OR2A25: variants seen among roughly 807,000 people sequenced by gnomAD.
OR2A25 encodes olfactory receptor family 2 subfamily A member 25, also known as olfactory receptor 2A25.
For synonymous variants in OR2A25, 162 were observed against 148.1 expected, an observed-to-expected ratio of 1.09 and a Z score of -0.68; for missense variants, 362 against 368.3, an observed-to-expected ratio of 0.98 and a Z score of 0.14.
At chr7:144,072,257 C>G (rs376364506) in intron 1 of OR2A25, among the ~76,000 whole-genome samples, 1 of 150,692 alleles carries the variant, frequency 6.6e-6, no homozygotes, top group Admixed American at 6.6e-5. Flanking sequence ...TAGAGTCAGG[C>G]AAAAAAACAG....
At chr7:144,072,408 T>C (rs2051073417) in intron 1 of OR2A25, among the ~76,000 whole-genome samples, 2 of 152,056 alleles carry the variant, frequency 1.3e-5, no homozygotes, top group African/African-American at 4.8e-5. Context: ...TTGTACATGA[T>C]AGTTAAGAAG....
chr7:144,074,774 A>G lies in OR2A25; in HGVS notation c.555A>G (p.Lys185=). ...TCTGTGAAATTATGGCTGTTCTCAAACTTGCCTGTGCGGATACCCACATTA... is the reference window on the plus strand; with the variant it reads ...TCTGTGAAATTATGGCTGTTCTCAAGCTTGCCTGTGCGGATACCCACATTA... ...HFFCEIMAVL[K]LACADTHINE... The change falls in exon 2 of 2, where the codon AAA becomes AAG. Residue 185 remains lysine, a synonymous_variant. Coordinates refer to ENST00000641663, the MANE Select transcript of OR2A25 (RefSeq NM_001386096.1). The G allele has an allele frequency of 1.2e-6, 2 of 1,614,104 alleles. No homozygotes were observed. Among genetic ancestry groups the G allele is most frequent in the Non-Finnish European group, 1.7e-6 (2 of 1,180,020 alleles).
Position 144,075,273 on chromosome 7 carries a change from C to T in OR2A25, c.*121C>T. ...ACCCTTTCCATCTTCTTGAAATTTT[C>T]CTATGACTACCTCCCGAGAAAGCCC... On this transcript the variant is annotated 3_prime_UTR_variant, in exon 2 of 2. Transcript: ENST00000641663. The T allele has an allele frequency of 1.4e-6, 1 of 716,480 alleles. No individual in the cohort carries two copies. The highest frequency in any genetic ancestry group is 1.9e-5 in the South Asian group (1 of 52,842). 44.4% of individuals were successfully genotyped at this position (716,480 alleles called of 1,614,324 possible).
At position 144,075,558 on chromosome 7, in the gene OR2A25, G is replaced by C. The variant is rs2051106798; in HGVS notation, c.*406G>C. On this transcript the variant is annotated 3_prime_UTR_variant, in exon 2 of 2. Transcript: ENST00000641663. The stretch of plus-strand genomic sequence containing the variant: ...AATTTAGAACGTGCCGGCCAGACAC[G>C]GTGGCTCACGCCTGTAATCCCAGCA... 1 of 156,620 alleles carries C rather than the reference G, an allele frequency of 6.4e-6. No homozygotes were observed. The highest frequency in any genetic ancestry group is 1.9e-4 in the South Asian group (1 of 5,194). 9.7% of individuals were successfully genotyped at this position (156,620 alleles called of 1,614,324 possible).
At chr7:144,073,479 ATACAG>A (rs1477589232) in intron 1 of OR2A25, among the ~76,000 whole-genome samples, 3 of 151,850 alleles carry the variant, frequency 2.0e-5, no homozygotes, top group Admixed American at 2.0e-4. Flanking sequence ...TATACTATAT[ATACAG>A]TAGATTACTG....
chr7:144,073,378 T>C (rs946946453), intron 1 of OR2A25, among the ~76,000 whole-genome samples: 9 of 151,972 alleles, frequency 5.9e-5, no homozygotes, highest in African/African-American at 2.2e-4. Context: ...CTATTATGTA[T>C]CAATTAAAAA....
At position 144,075,035 on chromosome 7, in the gene OR2A25, T is replaced by C. The variant is rs1311914473; in HGVS notation, c.816T>C (p.Tyr272=). The change falls in exon 2 of 2, where the codon TAT becomes TAC. Residue 272 remains tyrosine, a synonymous_variant. Transcript: ENST00000641663. Reference sequence around the variant, plus strand: ...AGAGCCCCAAGGAGCAGAAGAAATATCTCCTGCTGTTTCACAGCCTCTTCA... The same window carrying C: ...AGAGCCCCAAGGAGCAGAAGAAATACCTCCTGCTGTTTCACAGCCTCTTCA... ...QYESPKEQKK[Y]LLLFHSLFNP... is the part of the protein sequence containing the mutation. 14 of 1,614,006 alleles carry C rather than the reference T, an allele frequency of 8.7e-6. No homozygotes were observed. Among genetic ancestry groups the C allele is most frequent in the Middle Eastern group, 3.3e-4 (2 of 6,084 alleles).
intron 1 of OR2A25, among the ~76,000 whole-genome samples, chr7:144,071,441 G>T (rs1301441490): frequency 6.6e-6 from 1 of 152,046 alleles, no homozygotes; most frequent in Admixed American, 6.6e-5. Flanking sequence ...CACTTAGCTT[G>T]CTTCCAATTA....
In OR2A25 at chr7:144,074,681, G is replaced by A. The variant is rs1259570562; in HGVS notation, c.462G>A (p.Leu154=). The A allele has an allele frequency of 2.5e-6, 4 of 1,614,060 alleles. No homozygotes were observed. Among genetic ancestry groups the A allele is most frequent in the Non-Finnish European group, 3.4e-6 (4 of 1,179,986 alleles). The change falls in exon 2 of 2, where the codon TTG becomes TTA. Residue 154 remains leucine (L), a synonymous_variant. Transcript: ENST00000641663. ...CTTCCTGGATTTTAGGAGTCTTATT[G>A]GCCCTTGTCCATCTAGTGTTACTGC... ...ALTSWILGVL[L]ALVHLVLLLP... is the part of the protein sequence containing the mutation.
rs371884181 is a variant in OR2A25 at position 144,071,764 on chromosome 7, T to A, written c.-5+1868T>A. 2.0e-5 allele frequency among the ~76,000 whole-genome samples: 3 copies of A among 152,282 alleles called. No individual in the cohort carries two copies. The East Asian group carries it at 5.8e-4, about 29-fold the overall frequency. ...CCTTCTATTTTATTGTGTGCCTTTA[T>A]TATATGAAATTTTAAAAGTAGCATT... On this transcript the variant is annotated intron_variant, in intron 1 of 1. Coordinates refer to ENST00000641663, the MANE Select transcript of OR2A25 (RefSeq NM_001386096.1).
intron 1 of OR2A25, among the ~76,000 whole-genome samples, chr7:144,071,836 T>C (rs1272921271): frequency 2.0e-5 from 3 of 152,096 alleles, no homozygotes; most frequent in African/African-American, 7.2e-5. Flanking sequence ...GAGGTGAAAG[T>C]GAATAACACT....
intron 1 of OR2A25, among the ~76,000 whole-genome samples, chr7:144,073,917 G>A (rs1247739709): frequency 6.6e-6 from 1 of 152,178 alleles, no homozygotes; most frequent in African/African-American, 2.4e-5. Flanking sequence ...TGAGGAAAGA[G>A]TCCATGCTAT....
In OR2A25 at chr7:144,075,212, C is replaced by T; in HGVS notation, c.*60C>T. 1 of 1,182,158 alleles carries T rather than the reference C, an allele frequency of 8.5e-7. No homozygotes were observed. Among genetic ancestry groups the T allele is most frequent in the African/African-American group, 1.5e-5 (1 of 65,298 alleles). The allele number at this position is 1,182,158 out of a possible 1,614,324, so 73.2% of individuals were successfully genotyped here. On this transcript the variant is annotated 3_prime_UTR_variant, in exon 2 of 2. Coordinates refer to ENST00000641663, the MANE Select transcript of OR2A25 (RefSeq NM_001386096.1). Reference sequence around the variant, plus strand: ...AGGGCTTTGAGATTACATCTGAACCCATCCCTACTCAGGATACATAATCAC... The same window carrying T: ...AGGGCTTTGAGATTACATCTGAACCTATCCCTACTCAGGATACATAATCAC...
intron 1 of OR2A25, 25 bp from the exon 2 acceptor site, chr7:144,074,191 G>T (rs1382373992): frequency 1.9e-5 from 31 of 1,595,404 alleles, no homozygotes; most frequent in Non-Finnish European, 2.7e-5. Context: ...ATTCAGACTT[G>T]GTGAGCTCCT....
At position 144,074,357 on chromosome 7, in the gene OR2A25, G is replaced by A; in HGVS notation, c.138G>A (p.Gly46=). Residue 46 remains glycine, a synonymous_variant, in exon 2 of 2, where the codon GGG becomes GGA. Transcript: ENST00000641663. ...FILLGNGTIL[G]LISLDSRLHT... is the part of the protein sequence containing the mutation. Reference sequence around the variant, plus strand: ...TGTTGGGGAACGGGACAATCCTGGGGCTCATCTCACTGGACTCCAGACTCC... The same window carrying A: ...TGTTGGGGAACGGGACAATCCTGGGACTCATCTCACTGGACTCCAGACTCC... 1.2e-6 allele frequency: 2 copies of A among 1,614,034 alleles called. No individual in the cohort carries two copies. Among genetic ancestry groups the A allele is most frequent in the Non-Finnish European group, 1.7e-6 (2 of 1,179,968 alleles).
chr7:144,074,168 A>G, intron 1 of OR2A25, 48 bp from the exon 2 acceptor site: 1 of 1,519,440 alleles, frequency 6.6e-7, no homozygotes, highest in Non-Finnish European at 9.0e-7. Flanking sequence ...ATGCTTAAAC[A>G]TTTGCCTTAG....
chr7:144,070,182 T>C (rs1324768978), intron 1 of OR2A25: 1 of 152,126 alleles, frequency 6.6e-6, no homozygotes, highest in African/African-American at 2.4e-5. Context: ...CATAGCATAC[T>C]GAGGCATGGT....
chr7:144,075,405 TA>T lies in OR2A25; in HGVS notation c.*254del. The stretch of plus-strand genomic sequence containing the variant: ...ACACTTTTAATATAATTATGTGAAA[TA>T]TTCTGAAAGTTGGAAATAAATGTGT... On this transcript the variant is annotated 3_prime_UTR_variant, in exon 2 of 2. Transcript: ENST00000641663. The T allele has an allele frequency of 6.6e-6, 2 of 300,770 alleles. No individual in the cohort carries two copies. The highest frequency in any genetic ancestry group is 1.2e-5 in the Non-Finnish European group (2 of 163,346). 18.6% of individuals were successfully genotyped at this position (300,770 alleles called of 1,614,324 possible).
intron 1 of OR2A25, among the ~76,000 whole-genome samples, chr7:144,072,819 T>A (rs2051076913): frequency 6.6e-6 from 1 of 152,104 alleles, no homozygotes; most frequent in Non-Finnish European, 1.5e-5. Context: ...CTATTCACAG[T>A]AACCAAAATA....
Sources: gnomAD v4.1 joint callset for allele counts (sites outside exome capture counted in the v4.1 genomes callset) on GRCh38, gnomAD v4.1.1 for gene constraint, MANE v1.5 for transcripts, NCBI Gene and HGNC (gene_info 2026-07-23, HGNC 2026-07-21) for gene names.